CERT1: variants seen among roughly 807,000 people sequenced by gnomAD.
CERT1 encodes ceramide transporter 1, also known as ceramide transfer protein.
A neutral mutation model predicts 87.9 loss-of-function variants in CERT1; 31 were observed. The ratio of observed to expected loss-of-function variants is 0.35; its 90% CI spans 0.27 to 0.48. The LOEUF (loss-of-function observed/expected upper bound fraction) is 0.48, where lower values mean the gene tolerates loss of function less well. CERT1 is among the 20% of genes least tolerant of loss of function. CERT1 has a pLI of 0.99. For synonymous variants in CERT1, 289 were observed against 250.9 expected (o/e 1.15, Z -1.44); for missense variants, 487 against 758.0 (o/e 0.64, Z 4.20).
intron 3 of CERT1, among the ~76,000 whole-genome samples, chr5:75,451,046 T>C (rs1382755198): frequency 6.6e-6 from 1 of 152,220 alleles, no homozygotes; most frequent in Non-Finnish European, 1.5e-5. Context: ...AGTTACTTTA[T>C]AAACCCTCGA....
At chr5:75,418,544 A>C (rs562192541) in intron 6 of CERT1, among the ~76,000 whole-genome samples, 16 of 152,374 alleles carry the variant, frequency 1.1e-4, no homozygotes, top group Non-Finnish European at 1.6e-4. Context: ...ATGAATGCTC[A>C]TAGCAGTTTT....
chr5:75,454,494 A>C (rs1439055637), intron 3 of CERT1, among the ~76,000 whole-genome samples: 1 of 152,250 alleles, frequency 6.6e-6, no homozygotes, highest in Non-Finnish European at 1.5e-5. Flanking sequence ...TTCTTATTTG[A>C]GTGCAAAATG....
At chr5:75,386,954 G>C (rs1431102470) in intron 12 of CERT1, among the ~76,000 whole-genome samples, 2 of 152,026 alleles carry the variant, frequency 1.3e-5, no homozygotes, top group Non-Finnish European at 2.9e-5. Flanking sequence ...TGCAACCTCC[G>C]CCTCCCAGGT....
intron 3 of CERT1, among the ~76,000 whole-genome samples, chr5:75,450,859 T>G (rs1323228112): frequency 6.6e-6 from 1 of 152,204 alleles, no homozygotes; most frequent in Non-Finnish European, 1.5e-5. Context: ...GTATTGTTGA[T>G]GTTTTATGTT....
intron 2 of CERT1, among the ~76,000 whole-genome samples, chr5:75,463,340 A>G (rs1765318647): frequency 6.6e-6 from 1 of 152,166 alleles, no homozygotes; most frequent in Non-Finnish European, 1.5e-5. Context: ...TTGGGGCCAT[A>G]AACCATTGTT....
chr5:75,497,566 G>T (rs1157504818), intron 2 of CERT1, among the ~76,000 whole-genome samples: 2 of 151,972 alleles, frequency 1.3e-5, no homozygotes, highest in Non-Finnish European at 2.9e-5. Context: ...GGACCTGGTG[G>T]GAGGTAATTG....
At chr5:75,508,490 G>A (rs552788054) in intron 1 of CERT1, among the ~76,000 whole-genome samples, 7 of 152,196 alleles carry the variant, frequency 4.6e-5, no homozygotes, top group Middle Eastern at 3.4e-3. Context: ...TCAGCTTCAG[G>A]ACCCTTTACT....
chr5:75,389,538 T>A, intron 12 of CERT1, 54 bp downstream of exon 12: 1 of 1,322,304 alleles, frequency 7.6e-7, no homozygotes, highest in East Asian at 2.3e-5. Flanking sequence ...GTAATGATAA[T>A]ATGACTGAAA....
In CERT1 at chr5:75,425,425, C is replaced by T. The variant is rs768926070; in HGVS notation, c.531G>A (p.Thr177=). The T allele has an allele frequency of 8.1e-6, 13 of 1,613,628 alleles. No individual in the cohort carries two copies. The highest frequency in any genetic ancestry group is 1.7e-5 in the Admixed American group (1 of 59,996). Residue 177 remains threonine (T), a synonymous_variant, in exon 5 of 17, where the codon ACG becomes ACA. Transcript: ENST00000643780. ...FRDILCRQVD[T]LQKYFDACAD... is the part of the protein sequence containing the mutation. ...CACAGGCATCAAAGTACTTCTGTAGCGTGTCAACTTGTCTACATAAGATGT... is the reference window on the plus strand; with the variant it reads ...CACAGGCATCAAAGTACTTCTGTAGTGTGTCAACTTGTCTACATAAGATGT...
chr5:75,462,573 AC>A (rs1228503641), intron 2 of CERT1, among the ~76,000 whole-genome samples: 5 of 151,888 alleles, frequency 3.3e-5, no homozygotes, highest in Non-Finnish European at 5.9e-5. Context: ...GGGTTTGAGG[AC>A]CCCCGATCTA....
chr5:75,422,111 C>A (rs909328642), intron 5 of CERT1, among the ~76,000 whole-genome samples: 1 of 152,204 alleles, frequency 6.6e-6, no homozygotes, highest in African/African-American at 2.4e-5. Context: ...CTCTCTCTCT[C>A]CCCTCAACCC....
At chr5:75,395,561 A>G (rs1762213469) in intron 11 of CERT1, among the ~76,000 whole-genome samples, 1 of 149,980 alleles carries the variant, frequency 6.7e-6, no homozygotes, top group Non-Finnish European at 1.5e-5. Flanking sequence ...TTTACAAAAA[A>G]AAAAAAAAAA....
At position 75,381,146 on chromosome 5, in the gene CERT1, A is replaced by G; in HGVS notation, c.1673T>C (p.Leu558Ser). ...KINVAMICQT[L>S]VSPPEGNQEI... ...CTGGTTTCCCTCTGGTGGGCTTACC[A>G]AGGTTTGACAAATCATAGCAACATT... is the stretch of plus-strand genomic sequence containing the variant. Residue 558 changes from leucine (L) to serine (S), a missense_variant, in exon 16 of 17, where the codon TTG (leucine) becomes TCG (serine). Physicochemically the swap from Leu to Ser is moderately radical, Grantham distance 145 (BLOSUM62 -2). Transcript: ENST00000643780. The G allele has an allele frequency of 6.2e-7, 1 of 1,614,172 alleles. No homozygotes were observed. The highest frequency in any genetic ancestry group is 8.5e-7 in the Non-Finnish European group (1 of 1,180,004).
At chr5:75,509,709 T>C (rs1437356730) in intron 1 of CERT1, among the ~76,000 whole-genome samples, 2 of 152,174 alleles carry the variant, frequency 1.3e-5, no homozygotes, top group Non-Finnish European at 2.9e-5. Context: ...AATACTAATA[T>C]GGCAGTCAGC....
Position 75,392,057 on chromosome 5 carries a change from G to C in CERT1, c.1189-2370C>G, listed in dbSNP as rs148869364. Among the ~76,000 whole-genome samples the C allele has an allele frequency of 6.5e-4, 99 of 152,302 alleles. 1 individual carries two copies. The highest frequency in any genetic ancestry group is 2.3e-3 in the African/African-American group (95 of 41,568). Reference sequence around the variant, plus strand: ...GTGTTTCTGTTTGGGAGATTATTCTGAATTAGGGATTTCAAATGCCTAAGA... The same window carrying C: ...GTGTTTCTGTTTGGGAGATTATTCTCAATTAGGGATTTCAAATGCCTAAGA... On this transcript the variant is annotated intron_variant, in intron 11 of 16. Coordinates refer to ENST00000643780, the MANE Select transcript of CERT1 (RefSeq NM_001379029.1).
In CERT1 at chr5:75,426,628, C is replaced by T. The variant is rs1427786874; in HGVS notation, c.349-150G>A. The T allele has an allele frequency of 5.2e-6, 3 of 579,158 alleles. No individual in the cohort carries two copies. In the African/African-American group the frequency reaches 5.6e-5, roughly 11 times the overall value. The allele number at this position is 579,158 out of a possible 1,614,324, so 35.9% of individuals were successfully genotyped here. A position where few individuals can be genotyped will look rare whatever the true frequency, so the allele number is the denominator to read the frequency against. On this transcript the variant is annotated intron_variant, in intron 3 of 16. Coordinates refer to ENST00000643780, the MANE Select transcript of CERT1 (RefSeq NM_001379029.1). Reference sequence around the variant, plus strand: ...AGTCAATCCACTGACATAAGCAATGCCTTTCAATTCCTAAATGCCATTTAA... The same window carrying T: ...AGTCAATCCACTGACATAAGCAATGTCTTTCAATTCCTAAATGCCATTTAA...
chr5:75,483,307 T>C (rs142919831), intron 2 of CERT1, among the ~76,000 whole-genome samples: 5 of 152,256 alleles, frequency 3.3e-5, no homozygotes, highest in African/African-American at 1.2e-4. Flanking sequence ...TGAGTGAGCT[T>C]GAAGACAGGC....
At chr5:75,474,217 G>C (rs1392472899) in intron 2 of CERT1, among the ~76,000 whole-genome samples, 1 of 152,146 alleles carries the variant, frequency 6.6e-6, no homozygotes, top group Non-Finnish European at 1.5e-5. Context: ...CGTACCCCCT[G>C]CTTGCTCAAA....
intron 11 of CERT1, among the ~76,000 whole-genome samples, chr5:75,392,863 A>G (rs9885386): frequency 0.24 from 35,040 of 148,824 alleles, 4,247 homozygotes; most frequent in South Asian, 0.43. Context: ...CCAGCTACTC[A>G]GGAGGCTGTG....
Sources: gnomAD v4.1 joint callset for allele counts (sites outside exome capture counted in the v4.1 genomes callset) on GRCh38, gnomAD v4.1.1 for gene constraint, MANE v1.5 for transcripts, NCBI Gene and HGNC (gene_info 2026-07-23, HGNC 2026-07-21) for gene names.